The following TECPR2 variants were observed in gnomAD, a reference collection of about 807,000 sequenced individuals.
TECPR2 encodes the protein tectonin beta-propeller repeat-containing protein 2.
In TECPR2, 65 loss-of-function variants were observed where a neutral mutation model predicts 138.1. The observed-to-expected ratio is 0.47, with a 90% CI of 0.39 to 0.58. The LOEUF (loss-of-function observed/expected upper bound fraction) is 0.58. Ranked by LOEUF, TECPR2 falls within the 20% of genes least tolerant of loss-of-function variation. TECPR2 has a pLI of 0.00. For synonymous variants in TECPR2, 746 were observed against 749.8 expected, an observed-to-expected ratio of 0.99 and a Z score of 0.08; for missense variants, 1,553 against 1,824.5, an observed-to-expected ratio of 0.85 and a Z score of 2.71.
chr14:102,428,240 T>TTTTTTTTTTTTTTTTTTTTG lies in TECPR2; in HGVS notation c.952-6_952-5insTTTTTTTTTTTTTTTGTTTT. The TTTTTTTTTTTTTTTTTTTTG allele has an allele frequency of 6.9e-7, 1 of 1,441,158 alleles. No homozygotes were observed. The highest frequency in any genetic ancestry group is 9.1e-7 in the Non-Finnish European group (1 of 1,095,964). 89.3% of individuals were successfully genotyped at this position (1,441,158 alleles called of 1,614,324 possible). A position where few individuals can be genotyped will look rare whatever the true frequency, so the allele number is the denominator to read the frequency against. On this transcript the variant is annotated splice_polypyrimidine_tract_variant and intron_variant, in intron 6 of 19. Transcript: ENST00000359520. ...GTTTTTTGTTTTTTTTTTTTTTTTTTTTTTGACAGGCCACAGTTGCTGGTT... is the reference window on the plus strand; with the variant it reads ...GTTTTTTGTTTTTTTTTTTTTTTTTTTTTTTTTTTTTTTTTTTTTGTTTTGACAGGCCACAGTTGCTGGTT...
At position 102,428,343 on chromosome 14, in the gene TECPR2, A is replaced by G. The variant is rs776015832; in HGVS notation, c.1045A>G (p.Ile349Val). Residue 349 changes from isoleucine to valine, a missense_variant, in exon 7 of 20, where the codon ATA (isoleucine) becomes GTA (valine). Ile to Val is a conservative substitution (Grantham distance 29). Coordinates refer to ENST00000359520, the MANE Select transcript of TECPR2 (RefSeq NM_014844.5). ...IFFLKGDRNI[I>V]RISSRPEGLT... ...TTTCTTGAAAGGAGATAGGAACATT[A>G]TAAGAATTTCAAGCAGGCCTGAAGG... The G allele has an allele frequency of 6.2e-6, 10 of 1,610,422 alleles. No homozygotes were observed. The highest frequency in any genetic ancestry group is 1.6e-4 in the Middle Eastern group (1 of 6,074).
intron 7 of TECPR2, among the ~76,000 whole-genome samples, chr14:102,428,849 CTTT>C (rs541769149): frequency 1.4e-5 from 2 of 141,090 alleles, no homozygotes. Flanking sequence ...TCCTCTGATT[CTTT>C]TTTTTTTTTT....
Position 102,408,509 on chromosome 14 carries a change from G to C in TECPR2, c.370G>C (p.Gly124Arg), listed in dbSNP as rs760200324. 2.5e-6 allele frequency: 4 copies of C among 1,607,860 alleles called. No individual in the cohort carries two copies. In the Admixed American group the frequency reaches 6.9e-5, roughly 28 times the overall value. ...NKQLRRFDVT[G>R]IHKNSITALA... ...ATAGCTTCGGAGATTTGATGTCACT[G>C]GTATTCACAAAAATAGCATTACAGC... Residue 124 changes from glycine (G) to arginine (R), a missense_variant, in exon 4 of 20, where the codon GGT becomes CGT. Coordinates refer to ENST00000359520, the MANE Select transcript of TECPR2 (RefSeq NM_014844.5).
rs368670412 is a variant in TECPR2, at chr14:102,452,742, G to C, written c.3640+115G>C. ...TGTCCAACCTGTGAGAGTTCTGAGG[G>C]GGTGTTTATAAGCTGCTGAATTTCA... On this transcript the variant is annotated intron_variant, in intron 16 of 19. Coordinates refer to ENST00000359520, the MANE Select transcript of TECPR2 (RefSeq NM_014844.5). 2.4e-5 allele frequency: 19 copies of C among 806,036 alleles called. No homozygotes were observed. In the East Asian group the frequency reaches 4.1e-4, roughly 17 times the overall value. 49.9% of individuals were successfully genotyped at this position (806,036 alleles called of 1,614,324 possible).
intron 5 of TECPR2, among the ~76,000 whole-genome samples, chr14:102,418,595 C>A (rs192615588): frequency 7.3e-5 from 11 of 149,782 alleles, no homozygotes; most frequent in Admixed American, 6.6e-4. Flanking sequence ...AGCCCCCTCC[C>A]GTCGGCTTTG....
chr14:102,422,604 TAAAC>T (rs1010734101), intron 5 of TECPR2, among the ~76,000 whole-genome samples: 9 of 152,194 alleles, frequency 5.9e-5, no homozygotes, highest in African/African-American at 2.2e-4. Flanking sequence ...AAATGAAAGA[TAAAC>T]AATACTAAAT....
At position 102,476,738 on chromosome 14, in the gene TECPR2, A is replaced by G. The variant is rs558780850; in HGVS notation, c.3789+11449A>G. On this transcript the variant is annotated intron_variant, in intron 17 of 19. Coordinates refer to ENST00000359520, the MANE Select transcript of TECPR2 (RefSeq NM_014844.5). Reference sequence around the variant, plus strand: ...TTATGCTGAGTCAAGAAGCCAAAGAATACATACTGTTATCATTTCATTTAT... The same window carrying G: ...TTATGCTGAGTCAAGAAGCCAAAGAGTACATACTGTTATCATTTCATTTAT... 2.6e-4 allele frequency among the ~76,000 whole-genome samples: 39 copies of G among 152,358 alleles called. No homozygotes were observed. In the South Asian group the frequency reaches 6.4e-3, roughly 25 times the overall value.
chr14:102,436,041 T>C (rs77432790), intron 9 of TECPR2, among the ~76,000 whole-genome samples: 2,975 of 152,330 alleles, frequency 0.02, 125 homozygotes, highest in African/African-American at 0.068. Context: ...GTGCTCACCA[T>C]GTGCAGGTAT....
chr14:102,416,736 C>T (rs1406533333), intron 5 of TECPR2, among the ~76,000 whole-genome samples: 1 of 152,116 alleles, frequency 6.6e-6, no homozygotes, highest in African/African-American at 2.4e-5. Flanking sequence ...GTAATCCCAA[C>T]ACTTTGGGAG....
At chr14:102,455,749 T>A (rs1890262468) in intron 16 of TECPR2, among the ~76,000 whole-genome samples, 1 of 152,190 alleles carries the variant, frequency 6.6e-6, no homozygotes, top group African/African-American at 2.4e-5. Flanking sequence ...GTAGCTGAGA[T>A]TACAGGCACC....
intron 2 of TECPR2, among the ~76,000 whole-genome samples, chr14:102,391,174 C>T (rs1212439545): frequency 6.6e-6 from 1 of 152,184 alleles, no homozygotes; most frequent in Non-Finnish European, 1.5e-5. Flanking sequence ...TCTCTTGCCT[C>T]AGCCTCCCAA....
intron 4 of TECPR2, among the ~76,000 whole-genome samples, chr14:102,411,699 C>CGAAAAAAAAAAAAAAAA (rs1888871957): frequency 2.1e-5 from 1 of 46,874 alleles, no homozygotes; most frequent in Non-Finnish European, 3.3e-5. Flanking sequence ...CCATGTTGCT[C>CGAAAAAAAAAAAAAAAA]AAAAAAAAAA....
At position 102,431,950 on chromosome 14, in the gene TECPR2, C is replaced by G; in HGVS notation, c.1239C>G (p.Leu413=). 1 of 1,612,920 alleles carries G rather than the reference C, an allele frequency of 6.2e-7. No homozygotes were observed. The highest frequency in any genetic ancestry group is 1.3e-5 in the African/African-American group (1 of 75,050). ...AGCCAAGGAGCAGGAGCAGCTCGCT[C>G]AACTCCACCGACAGCGGCTCCGGGC... ...ASEPRSRSSS[L]NSTDSGSGLL... is the part of the protein sequence containing the mutation. Residue 413 remains leucine (L), a synonymous_variant, in exon 8 of 20, where the codon CTC becomes CTG. Coordinates refer to ENST00000359520, the MANE Select transcript of TECPR2 (RefSeq NM_014844.5).
chr14:102,461,915 T>A (rs1262829914), intron 16 of TECPR2, among the ~76,000 whole-genome samples: 1 of 152,188 alleles, frequency 6.6e-6, no homozygotes, highest in Non-Finnish European at 1.5e-5. Context: ...TTCACAAACC[T>A]CATTCATCCA....
chr14:102,441,448 G>T (rs1889827467), intron 11 of TECPR2, among the ~76,000 whole-genome samples: 1 of 149,446 alleles, frequency 6.7e-6, no homozygotes, highest in Non-Finnish European at 1.5e-5. Context: ...AGGCCTAGAC[G>T]AGCAGATCAC....
At chr14:102,476,775 C>A (rs1275884035) in intron 17 of TECPR2, among the ~76,000 whole-genome samples, 3 of 152,192 alleles carry the variant, frequency 2.0e-5, no homozygotes, top group Admixed American at 6.5e-5. Context: ...TAAAATTTGG[C>A]CAGGTACAGT....
At chr14:102,368,368 A>G (rs1887403224) in intron 1 of TECPR2, among the ~76,000 whole-genome samples, 1 of 151,802 alleles carries the variant, frequency 6.6e-6, no homozygotes, top group South Asian at 2.1e-4. Context: ...CCCATTGTAA[A>G]ATTGTCTTTT....
At chr14:102,467,525 A>G (rs543913983) in intron 17 of TECPR2, among the ~76,000 whole-genome samples, 81 of 151,848 alleles carry the variant, frequency 5.3e-4, no homozygotes, top group Non-Finnish European at 1.0e-3. Context: ...GGGTTTCACC[A>G]TATTGGTCAG....
chr14:102,499,451 C>T lies in TECPR2; in HGVS notation c.*1194C>T, dbSNP rs1891386550. The T allele has an allele frequency of 3.6e-6, 2 of 548,386 alleles. No individual in the cohort carries two copies. The highest frequency in any genetic ancestry group is 3.1e-5 in the Admixed American group (1 of 31,944). The allele number at this position is 548,386 out of a possible 1,614,324, so 34.0% of individuals were successfully genotyped here. ...TTCCCGGGTTTGTCCTGAGCCTGCACTGTCCTCGCCTGCAGCCTCAGAGGG... is the reference window on the plus strand; with the variant it reads ...TTCCCGGGTTTGTCCTGAGCCTGCATTGTCCTCGCCTGCAGCCTCAGAGGG... On this transcript the variant is annotated 3_prime_UTR_variant, in exon 20 of 20. Transcript: ENST00000359520.
Sources: allele counts gnomAD v4.1 joint callset (sites outside exome capture counted in the v4.1 genomes callset), GRCh38; gene constraint gnomAD v4.1.1; transcripts MANE v1.5; gene names NCBI Gene and HGNC (gene_info 2026-07-23, HGNC 2026-07-21).